Variants in RGS22 observed in about 807,000 individuals in gnomAD.
RGS22 encodes regulator of G protein signaling 22.
Under a neutral mutation model 172.9 loss-of-function variants are expected in RGS22, and 148 were observed. That is an observed-to-expected ratio of 0.86 (90% CI 0.75 to 0.98). The LOEUF is 0.98. RGS22 is among the 50% of genes least tolerant of loss of function. The pLI is 0.00. For synonymous variants in RGS22, 458 were observed against 480.2 expected (o/e 0.95, Z 0.60); for missense variants, 1,347 against 1,440.8 (o/e 0.93, Z 1.05).
At chr8:100,061,446 C>T (rs1443656939) in intron 9 of RGS22, among the ~76,000 whole-genome samples, 1 of 152,028 alleles carries the variant, frequency 6.6e-6, no homozygotes, top group Non-Finnish European at 1.5e-5. Context: ...TTGTAAGGAA[C>T]TTAAACAAAT....
chr8:99,991,912 G>A (rs1813770379), intron 20 of RGS22, among the ~76,000 whole-genome samples: 1 of 152,146 alleles, frequency 6.6e-6, no homozygotes, highest in African/African-American at 2.4e-5. Flanking sequence ...ACTAACAGCA[G>A]ATCTCTTGGC....
chr8:99,975,032 G>A (rs1172195467), intron 23 of RGS22, among the ~76,000 whole-genome samples: 2 of 151,854 alleles, frequency 1.3e-5, no homozygotes, highest in Non-Finnish European at 2.9e-5. Flanking sequence ...TTTAATCCCA[G>A]CTACTCAGGA....
intron 2 of RGS22, among the ~76,000 whole-genome samples, chr8:100,101,177 C>G (rs1813443367): frequency 6.6e-6 from 1 of 152,088 alleles, no homozygotes; most frequent in African/African-American, 2.4e-5. Context: ...TATTAATGCA[C>G]TCTATTTTAA....
At chr8:100,021,007 T>A (rs556358924) in intron 14 of RGS22, among the ~76,000 whole-genome samples, 1 of 152,328 alleles carries the variant, frequency 6.6e-6, no homozygotes, top group Admixed American at 6.5e-5. Context: ...ATGCTACAAA[T>A]CAGGGCTGCT....
intron 23 of RGS22, among the ~76,000 whole-genome samples, chr8:99,977,435 T>G (rs1175895094): frequency 6.6e-6 from 1 of 152,042 alleles, no homozygotes; most frequent in Non-Finnish European, 1.5e-5. Context: ...TTCTGTAATT[T>G]TCATATTGAA....
chr8:100,083,422 C>T (rs1359940425), intron 3 of RGS22, among the ~76,000 whole-genome samples: 1 of 152,110 alleles, frequency 6.6e-6, no homozygotes, highest in Admixed American at 6.6e-5. Context: ...GGCTGGAGTG[C>T]AGTGGCGTGA....
chr8:99,985,515 A>T (rs1313340413), intron 21 of RGS22, among the ~76,000 whole-genome samples: 1 of 152,200 alleles, frequency 6.6e-6, no homozygotes, highest in African/African-American at 2.4e-5. Flanking sequence ...AACATGCATC[A>T]GAATCAACAT....
intron 9 of RGS22, among the ~76,000 whole-genome samples, chr8:100,053,486 GA>G (rs200207338): frequency 0.032 from 4,768 of 150,962 alleles, 113 homozygotes; most frequent in Middle Eastern, 0.055. Flanking sequence ...GGGAGGAAAG[GA>G]AGGAAGGAAT....
chr8:100,026,336 T>C (rs1200720958), intron 14 of RGS22, among the ~76,000 whole-genome samples: 1 of 152,254 alleles, frequency 6.6e-6, no homozygotes, highest in Non-Finnish European at 1.5e-5. Context: ...AATAATTTAA[T>C]GAATTCTGCA....
At chr8:100,052,342 C>T (rs1259666571) in intron 10 of RGS22, among the ~76,000 whole-genome samples, 4 of 148,338 alleles carry the variant, frequency 2.7e-5, no homozygotes, top group Non-Finnish European at 1.5e-5. Context: ...CGCTCTGTCC[C>T]CCAGGCTGGA....
chr8:100,000,773 G>A (rs546688428), intron 18 of RGS22, among the ~76,000 whole-genome samples: 1 of 152,254 alleles, frequency 6.6e-6, no homozygotes, highest in South Asian at 2.1e-4. Context: ...TTGCTAATGT[G>A]TCCCAGATTT....
In RGS22 at chr8:100,038,997, C is replaced by A. The variant is rs1278583150; in HGVS notation, c.2100G>T (p.Leu700=). The change falls in exon 14 of 28, where the codon CTG becomes CTT. Residue 700 remains leucine (L), a synonymous_variant. Coordinates refer to ENST00000360863, the MANE Select transcript of RGS22 (RefSeq NM_015668.5). The stretch of plus-strand genomic sequence containing the variant: ...GGTAGAAAAGCTGATGATAAGCCTG[C>A]AGGTCAAACCAAAAGTACACACTGT... The part of the protein sequence containing the change: ...WKNSVYFWFD[L]QAYHQLFYQE... The A allele has an allele frequency of 1.9e-6, 3 of 1,612,080 alleles. No homozygotes were observed. In the East Asian group the frequency reaches 6.7e-5, roughly 36 times the overall value.
At chr8:99,987,029 T>G (rs531477070) in intron 21 of RGS22, among the ~76,000 whole-genome samples, 1 of 152,322 alleles carries the variant, frequency 6.6e-6, no homozygotes, top group South Asian at 2.1e-4. Flanking sequence ...TCTGAAATGC[T>G]TAGGACCAGA....
chr8:100,100,462 G>C (rs1813385936), intron 2 of RGS22, among the ~76,000 whole-genome samples: 1 of 152,012 alleles, frequency 6.6e-6, no homozygotes. Context: ...GCTAATTTTT[G>C]TATTTTTGGT....
chr8:100,073,429 C>CAAAAAAAAAAAAAA, intron 4 of RGS22, among the ~76,000 whole-genome samples: 1 of 142,494 alleles, frequency 7.0e-6, no homozygotes, highest in South Asian at 2.3e-4. Flanking sequence ...AAAAACAAAA[C>CAAAAAAAAAAAAAA]AAAAAAAAAA....
At chr8:100,024,424 A>C (rs918368542) in intron 14 of RGS22, among the ~76,000 whole-genome samples, 9 of 152,230 alleles carry the variant, frequency 5.9e-5, no homozygotes, top group Non-Finnish European at 2.9e-5. Context: ...TAGGTTTATA[A>C]TACGTTGCTA....
In RGS22 at chr8:100,063,590, C is replaced by T; in HGVS notation, c.1178G>A (p.Gly393Glu). 6.2e-7 allele frequency: 1 copy of T among 1,614,046 alleles called. No individual in the cohort carries two copies. Among genetic ancestry groups the T allele is most frequent in the Non-Finnish European group, 8.5e-7 (1 of 1,179,998 alleles). The change falls in exon 8 of 28, where the codon GGA becomes GAA. Residue 393 changes from glycine to glutamate, a missense_variant. Physicochemically the swap from Gly to Glu is moderately conservative, Grantham distance 98. Transcript: ENST00000360863. ...ACACCAGTCCGCCCTGCTCTCTGGT[C>T]CAGCGCTCTCATTCTTTGAACTTAA... is the stretch of plus-strand genomic sequence containing the variant. The part of the protein sequence containing the change: ...TSLSSKNESA[G>E]PESRADWCIS...
intron 14 of RGS22, among the ~76,000 whole-genome samples, chr8:100,030,978 T>C (rs1589016795): frequency 3.3e-5 from 5 of 152,132 alleles, no homozygotes; most frequent in African/African-American, 1.2e-4. Context: ...GGGCAAGGTA[T>C]GGTAGAATTA....
At chr8:99,988,476 T>C (rs1034888899) in intron 20 of RGS22, among the ~76,000 whole-genome samples, 15 of 152,288 alleles carry the variant, frequency 9.8e-5, no homozygotes, top group East Asian at 5.8e-4. Flanking sequence ...ACTAAATAGA[T>C]TTTAATATTT....
Sources: allele counts gnomAD v4.1 joint callset (sites outside exome capture counted in the v4.1 genomes callset), GRCh38; gene constraint gnomAD v4.1.1; transcripts MANE v1.5; gene names NCBI Gene and HGNC (gene_info 2026-07-23, HGNC 2026-07-21).